The following CAMK1D variants were observed in gnomAD, a reference collection of about 807,000 sequenced individuals.
The protein encoded by CAMK1D is calcium/calmodulin-dependent protein kinase type 1D.
Under a neutral mutation model 47.7 loss-of-function variants are expected in CAMK1D, and 9 were observed. That is an observed-to-expected ratio of 0.19 (90% CI 0.11 to 0.33). The LOEUF is 0.33. CAMK1D is among the 10% of genes least tolerant of loss of function. CAMK1D has a pLI of 1.00. For synonymous variants in CAMK1D, 184 were observed against 184.9 expected (o/e 0.99, Z 0.04); for missense variants, 291 against 488.7 (o/e 0.60, Z 3.81).
intron 1 of CAMK1D, among the ~76,000 whole-genome samples, chr10:12,492,879 C>T (rs1834428127): frequency 6.6e-6 from 1 of 152,120 alleles, no homozygotes; most frequent in Non-Finnish European, 1.5e-5. Context: ...TCTGTCGTTA[C>T]TTTCTTGGTA....
chr10:12,560,908 C>G (rs554755803), intron 2 of CAMK1D, among the ~76,000 whole-genome samples: 7 of 137,906 alleles, frequency 5.1e-5, no homozygotes, highest in African/African-American at 1.8e-4. Flanking sequence ...ACCTTGATTT[C>G]TTTCTTTCTT....
In CAMK1D at chr10:12,833,827, CTG is replaced by C; in HGVS notation, c.*4942_*4943del. 1 of 150,284 alleles carries C rather than the reference CTG, an allele frequency of 6.7e-6. No individual in the cohort carries two copies. Among genetic ancestry groups the C allele is most frequent in the South Asian group, 2.1e-4 (1 of 4,770 alleles). The allele number at this position is 150,284 out of a possible 1,614,324, so 9.3% of individuals were successfully genotyped here. On this transcript the variant is annotated 3_prime_UTR_variant, in exon 11 of 11. Coordinates refer to ENST00000619168, the MANE Select transcript of CAMK1D (RefSeq NM_153498.4). ...GAAACCTTTGCATGTTCTTCTGAAACTGTACTTCTTCCCTATTCTGTCTACCC... is the reference window on the plus strand; with the variant it reads ...GAAACCTTTGCATGTTCTTCTGAAACTACTTCTTCCCTATTCTGTCTACCC...
intron 2 of CAMK1D, among the ~76,000 whole-genome samples, chr10:12,627,753 C>G (rs554089035): frequency 6.6e-6 from 1 of 151,980 alleles, no homozygotes; most frequent in Non-Finnish European, 1.5e-5. Context: ...AAATGTAACA[C>G]GAGGTGTTTA....
chr10:12,683,671 C>T (rs772914086), intron 3 of CAMK1D, among the ~76,000 whole-genome samples: 2 of 150,482 alleles, frequency 1.3e-5, no homozygotes, highest in Admixed American at 6.6e-5. Context: ...TCCTTAAGGC[C>T]GAAGATGCAC....
chr10:12,396,909 G>A (rs942024494), intron 1 of CAMK1D, among the ~76,000 whole-genome samples: 9 of 152,304 alleles, frequency 5.9e-5, no homozygotes, highest in South Asian at 2.1e-4. Context: ...CCAGGAAGAC[G>A]CTGATTTTAT....
chr10:12,509,921 A>C (rs1834990530), intron 1 of CAMK1D, among the ~76,000 whole-genome samples: 1 of 152,220 alleles, frequency 6.6e-6, no homozygotes, highest in Non-Finnish European at 1.5e-5. Context: ...GGCCTGAGTT[A>C]AACAGCCTCC....
chr10:12,746,029 A>T (rs1835655971), intron 3 of CAMK1D, among the ~76,000 whole-genome samples: 1 of 152,132 alleles, frequency 6.6e-6, no homozygotes, highest in South Asian at 2.1e-4. Flanking sequence ...TTTGCATCAA[A>T]GTGTTTTTGT....
At chr10:12,494,791 A>G (rs561806166) in intron 1 of CAMK1D, among the ~76,000 whole-genome samples, 2 of 151,932 alleles carry the variant, frequency 1.3e-5, no homozygotes, top group South Asian at 4.2e-4. Flanking sequence ...CCGGTCTCAA[A>G]CTCCTGACCT....
chr10:12,461,635 G>T (rs992369626), intron 1 of CAMK1D, among the ~76,000 whole-genome samples: 3 of 147,074 alleles, frequency 2.0e-5, no homozygotes, highest in African/African-American at 7.5e-5. Flanking sequence ...GTTGCAGTGA[G>T]CTGAGATCAT....
chr10:12,496,262 A>G (rs575928020), intron 1 of CAMK1D, among the ~76,000 whole-genome samples: 20 of 152,236 alleles, frequency 1.3e-4, no homozygotes, highest in Non-Finnish European at 8.8e-5. Flanking sequence ...TTTAATGACT[A>G]TATCAGTTAG....
At chr10:12,672,203 C>T (rs979314656) in intron 3 of CAMK1D, among the ~76,000 whole-genome samples, 1 of 151,946 alleles carries the variant, frequency 6.6e-6, no homozygotes, top group African/African-American at 2.4e-5. Flanking sequence ...GCGTGAGCCA[C>T]CTCGCCGGGC....
intron 1 of CAMK1D, among the ~76,000 whole-genome samples, chr10:12,354,790 G>A (rs1837457093): frequency 6.6e-6 from 1 of 151,404 alleles, no homozygotes; most frequent in Admixed American, 6.6e-5. Flanking sequence ...TTTTGTTCCC[G>A]AGGGGCTTTC....
At position 12,578,570 on chromosome 10, in the gene CAMK1D, C is replaced by CAA. The variant is rs781669327; in HGVS notation, c.224+25228_224+25229dup. On this transcript the variant is annotated intron_variant, in intron 2 of 10. Coordinates refer to ENST00000619168, the MANE Select transcript of CAMK1D (RefSeq NM_153498.4). ...GGGCAACAAGAGCTAAACTCCATCT[C>CAA]AAAAAAAAAAAAAAAGTTTTGTAGA... is the stretch of plus-strand genomic sequence containing the variant. Among the ~76,000 whole-genome samples the CAA allele has an allele frequency of 1.2e-4, 11 of 93,310 alleles. 1 individual carries two copies. The highest frequency in any genetic ancestry group is 1.2e-3 in the South Asian group (3 of 2,576). 61.2% of individuals were successfully genotyped at this position (93,310 alleles called of 152,430 possible).
At chr10:12,797,100 C>T (rs897434976) in intron 6 of CAMK1D, among the ~76,000 whole-genome samples, 4 of 152,084 alleles carry the variant, frequency 2.6e-5, no homozygotes, top group South Asian at 2.1e-4. Context: ...GATATATTCA[C>T]GAAGCCTGTG....
chr10:12,549,863 C>G (rs900038848), intron 1 of CAMK1D, among the ~76,000 whole-genome samples: 2 of 152,218 alleles, frequency 1.3e-5, no homozygotes, highest in Non-Finnish European at 2.9e-5. Context: ...TGAGGAGACC[C>G]CTCGCTCCCC....
At chr10:12,559,052 A>G (rs1836854147) in intron 2 of CAMK1D, among the ~76,000 whole-genome samples, 1 of 151,976 alleles carries the variant, frequency 6.6e-6, no homozygotes, top group Non-Finnish European at 1.5e-5. Flanking sequence ...TTATGCTTGT[A>G]ATTGCAGCAC....
Position 12,505,899 on chromosome 10 carries a change from C to T in CAMK1D, c.93-47326C>T, listed in dbSNP as rs1449613433. 3.9e-5 allele frequency among the ~76,000 whole-genome samples: 6 copies of T among 152,242 alleles called. 1 individual carries two copies. The South Asian group carries it at 8.3e-4, about 21-fold the overall frequency. On this transcript the variant is annotated intron_variant, in intron 1 of 10. Transcript: ENST00000619168. ...CTCCTCCTCCCTTGTTCCAGTCCTCCGCACATCACATGTCAATGGAAATCT... is the reference window on the plus strand; with the variant it reads ...CTCCTCCTCCCTTGTTCCAGTCCTCTGCACATCACATGTCAATGGAAATCT...
At chr10:12,486,552 C>CACAT (rs34240385) in intron 1 of CAMK1D, among the ~76,000 whole-genome samples, 22,931 of 151,996 alleles carry the variant, frequency 0.15, 1,821 homozygotes, top group Non-Finnish European at 0.18. Context: ...CACACACACA[C>CACAT]GTACAGACAC....
Position 12,825,650 on chromosome 10 carries a change from A to C in CAMK1D, c.999A>C (p.Ala333=), listed in dbSNP as rs762139420. 6.8e-6 allele frequency: 11 copies of C among 1,614,154 alleles called. No homozygotes were observed. Among genetic ancestry groups the C allele is most frequent in the Non-Finnish European group, 8.5e-6 (10 of 1,180,066 alleles). The part of the protein sequence containing the change: ...HLGSSLDSSN[A]SVSSSLSLAS... The stretch of plus-strand genomic sequence containing the variant: ...GCAGCAGCCTGGACAGTTCAAATGC[A>C]AGTGTTTCGAGCAGCCTCAGTTTGG... Residue 333 remains alanine, a synonymous_variant, in exon 10 of 11, where the codon GCA becomes GCC. Transcript: ENST00000619168.
Sources: gnomAD v4.1 joint callset for allele counts (sites outside exome capture counted in the v4.1 genomes callset) on GRCh38, gnomAD v4.1.1 for gene constraint, MANE v1.5 for transcripts, NCBI Gene and HGNC (gene_info 2026-07-23, HGNC 2026-07-21) for gene names.